The following AKT3 variants were observed in gnomAD, a reference collection of about 807,000 sequenced individuals.
AKT3 encodes AKT serine/threonine kinase 3, also known as RAC-gamma serine/threonine-protein kinase.
AKT3 carries 15 observed loss-of-function variants against 65.3 expected under a neutral mutation model. That is an observed-to-expected ratio of 0.23 (90% CI 0.15 to 0.35). The LOEUF is 0.35. Ranked by LOEUF, AKT3 falls within the 10% of genes least tolerant of loss-of-function variation. The pLI is 1.00. For synonymous variants in AKT3, 206 were observed against 183.8 expected, an observed-to-expected ratio of 1.12 and a Z score of -0.98; for missense variants, 243 against 576.5, an observed-to-expected ratio of 0.42 and a Z score of 5.92.
At chr1:243,794,092 G>T (rs1027081949) in intron 2 of AKT3, among the ~76,000 whole-genome samples, 3 of 152,324 alleles carry the variant, frequency 2.0e-5, no homozygotes, top group Non-Finnish European at 4.4e-5. Flanking sequence ...GCAGTAGCAC[G>T]ATCATGGCTC....
intron 2 of AKT3, among the ~76,000 whole-genome samples, chr1:243,777,207 T>G (rs1371547267): frequency 6.6e-6 from 1 of 152,066 alleles, no homozygotes; most frequent in Non-Finnish European, 1.5e-5. Flanking sequence ...TGCATTACAT[T>G]TATCATTAAA....
rs920604014 is a variant in AKT3, at chr1:243,770,860, G to C, written c.46+72265C>G. On this transcript the variant is annotated intron_variant, in intron 2 of 13. Transcript: ENST00000673466. ...ATTCTTCATTCATTACTGTTTTAAA[G>C]ACTGTAGAAACAGAGTCTGCCTGCT... is the stretch of plus-strand genomic sequence containing the variant. Among the ~76,000 whole-genome samples, 88 of 151,944 alleles carry C rather than the reference G, an allele frequency of 5.8e-4. 1 individual carries two copies. The highest frequency in any genetic ancestry group is 2.0e-3 in the African/African-American group (83 of 41,458).
intron 12 of AKT3, among the ~76,000 whole-genome samples, chr1:243,540,270 T>C (rs1388166678): frequency 6.6e-6 from 1 of 152,066 alleles, no homozygotes; most frequent in Non-Finnish European, 1.5e-5. Flanking sequence ...TCAACAGGAA[T>C]GCAAGGTTCA....
At chr1:243,679,166 G>A (rs1683741125) in intron 3 of AKT3, among the ~76,000 whole-genome samples, 1 of 152,094 alleles carries the variant, frequency 6.6e-6, no homozygotes, top group African/African-American at 2.4e-5. Context: ...ACAGTATATA[G>A]TGCATGTAAT....
chr1:243,686,651 ATTTTTTT>A (rs143487611), intron 3 of AKT3, among the ~76,000 whole-genome samples: 5 of 23,512 alleles, frequency 2.1e-4, no homozygotes, highest in East Asian at 1.1e-3. Context: ...ATATATATAT[ATTTTTTT>A]TTTTTTTTTT....
At chr1:243,823,571 G>A (rs1693984481) in intron 2 of AKT3, among the ~76,000 whole-genome samples, 1 of 152,120 alleles carries the variant, frequency 6.6e-6, no homozygotes, top group South Asian at 2.1e-4. Context: ...CTTCAGCAAA[G>A]TCTCAGGATA....
chr1:243,549,326 T>C (rs952851372), intron 11 of AKT3, among the ~76,000 whole-genome samples: 1 of 152,192 alleles, frequency 6.6e-6, no homozygotes, highest in Non-Finnish European at 1.5e-5. Flanking sequence ...GAGGGATTCC[T>C]AACTCCTCCT....
downstream of AKT3, among the ~76,000 whole-genome samples, chr1:243,495,888 G>T (rs1667729732): frequency 6.6e-6 from 1 of 152,160 alleles, no homozygotes; most frequent in African/African-American, 2.4e-5. Flanking sequence ...AGAGCAAGCA[G>T]GAGAGCCTCG....
chr1:243,629,414 GGATCAGGAGAT>G (rs1231034616), intron 6 of AKT3, among the ~76,000 whole-genome samples: 11 of 152,184 alleles, frequency 7.2e-5, no homozygotes, highest in African/African-American at 2.7e-4. Context: ...ACTTCTTTCA[GGATCAGGAGAT>G]GACTGGAACC....
At chr1:243,654,983 T>A (rs1481357956) in intron 4 of AKT3, among the ~76,000 whole-genome samples, 1 of 152,166 alleles carries the variant, frequency 6.6e-6, no homozygotes, top group Non-Finnish European at 1.5e-5. Context: ...AACTATTTTT[T>A]AAAAAATTTC....
At chr1:243,789,325 G>C (rs903792508) in intron 2 of AKT3, among the ~76,000 whole-genome samples, 1 of 152,212 alleles carries the variant, frequency 6.6e-6, no homozygotes, top group Non-Finnish European at 1.5e-5. Flanking sequence ...GTTCAAGGCT[G>C]CAGTGAGCTA....
At chr1:243,633,353 T>A (rs1679746346) in intron 6 of AKT3, among the ~76,000 whole-genome samples, 1 of 152,114 alleles carries the variant, frequency 6.6e-6, no homozygotes, top group Admixed American at 6.6e-5. Context: ...CACAAAAAAA[T>A]ATAAAAGCTA....
At chr1:243,699,511 A>ATATATG (rs1685301766) in intron 2 of AKT3, among the ~76,000 whole-genome samples, 2 of 113,142 alleles carry the variant, frequency 1.8e-5, no homozygotes, top group Admixed American at 9.2e-5. Context: ...ATATATATAT[A>ATATATG]TAATCTTCAT....
chr1:243,821,158 G>A (rs1693831467), intron 2 of AKT3, among the ~76,000 whole-genome samples: 1 of 152,068 alleles, frequency 6.6e-6, no homozygotes, highest in Non-Finnish European at 1.5e-5. Flanking sequence ...TTCCAACCCA[G>A]AATTTCATGT....
At chr1:243,611,288 A>C (rs1432608165) in intron 8 of AKT3, among the ~76,000 whole-genome samples, 1 of 152,216 alleles carries the variant, frequency 6.6e-6, no homozygotes, top group Non-Finnish European at 1.5e-5. Context: ...CATGTTCTTC[A>C]TAATTGCACT....
chr1:243,812,987 T>C (rs1442933480), intron 2 of AKT3, among the ~76,000 whole-genome samples: 1 of 131,278 alleles, frequency 7.6e-6, no homozygotes, highest in Admixed American at 8.9e-5. Context: ...GTGAGAACAC[T>C]TGGACATAGG....
At chr1:243,621,752 G>C (rs1678767722) in intron 6 of AKT3, among the ~76,000 whole-genome samples, 1 of 152,252 alleles carries the variant, frequency 6.6e-6, no homozygotes, top group Non-Finnish European at 1.5e-5. Context: ...TGTAGTGAAT[G>C]GCAATACCAT....
At chr1:243,736,656 T>G (rs1687858560) in intron 2 of AKT3, among the ~76,000 whole-genome samples, 1 of 152,062 alleles carries the variant, frequency 6.6e-6, no homozygotes, top group Non-Finnish European at 1.5e-5. Context: ...TTAAAGAAAT[T>G]AGGAGCCTTG....
At chr1:243,553,658 C>T (rs1046127146) in intron 10 of AKT3, among the ~76,000 whole-genome samples, 1 of 152,112 alleles carries the variant, frequency 6.6e-6, no homozygotes, top group Admixed American at 6.5e-5. Flanking sequence ...GGTATATGTC[C>T]TTAAATTTTT....
Sources: gnomAD v4.1 joint callset for allele counts (sites outside exome capture counted in the v4.1 genomes callset) on GRCh38, gnomAD v4.1.1 for gene constraint, MANE v1.5 for transcripts, NCBI Gene and HGNC (gene_info 2026-07-23, HGNC 2026-07-21) for gene names.